PLD1: variants seen among roughly 807,000 people sequenced by gnomAD.
The protein encoded by PLD1 is choline phosphatase 1.
PLD1 carries 112 observed loss-of-function variants against 137.1 expected under a neutral mutation model. That is an observed-to-expected ratio of 0.82 (90% confidence interval 0.70 to 0.96). The LOEUF (loss-of-function observed/expected upper bound fraction) is 0.96, where lower values mean the gene tolerates loss of function less well. PLD1 is among the 40% of genes least tolerant of loss of function. The probability of loss-of-function intolerance (pLI) is 0.00; values close to 1 mark genes in which losing one functional copy is unlikely to be tolerated. For missense variants in PLD1, 1,321 were observed against 1,342.0 expected (o/e 0.98, Z 0.24); for synonymous variants, 431 against 454.7 (o/e 0.95, Z 0.66).
chr3:171,614,830 C>A (rs1189464210), intron 24 of PLD1, among the ~76,000 whole-genome samples: 1 of 152,226 alleles, frequency 6.6e-6, no homozygotes, highest in East Asian at 1.9e-4. Context: ...CCCCTCCGCA[C>A]ACACATTCTC....
At chr3:171,722,641 T>C (rs182162557) in intron 8 of PLD1, among the ~76,000 whole-genome samples, 21 of 152,332 alleles carry the variant, frequency 1.4e-4, no homozygotes, top group South Asian at 1.2e-3. Flanking sequence ...TTGTAGCATG[T>C]ATCAGAACTT....
chr3:171,747,405 G>A (rs570731425), intron 1 of PLD1, among the ~76,000 whole-genome samples: 152 of 152,098 alleles, frequency 1.0e-3, no homozygotes, highest in African/African-American at 3.6e-3. Flanking sequence ...TGCTTTTTGT[G>A]GGAAGCTATG....
intron 8 of PLD1, among the ~76,000 whole-genome samples, chr3:171,720,722 C>T (rs1273904697): frequency 6.6e-6 from 1 of 152,178 alleles, no homozygotes; most frequent in Non-Finnish European, 1.5e-5. Flanking sequence ...TTAATCTTCA[C>T]AGAATGATTT....
chr3:171,770,278 T>C (rs1029455983), intron 1 of PLD1, among the ~76,000 whole-genome samples: 6 of 152,236 alleles, frequency 3.9e-5, no homozygotes, highest in African/African-American at 1.2e-4. Flanking sequence ...CAAAATTCAA[T>C]TGGGCTTAAT....
At chr3:171,770,075 T>C (rs2108328496) in intron 1 of PLD1, among the ~76,000 whole-genome samples, 1 of 152,338 alleles carries the variant, frequency 6.6e-6, no homozygotes, top group South Asian at 2.1e-4. Context: ...GCTCTTTAGA[T>C]CTTTAAATTA....
At chr3:171,746,259 G>T (rs1335243212) in intron 1 of PLD1, among the ~76,000 whole-genome samples, 1 of 152,228 alleles carries the variant, frequency 6.6e-6, no homozygotes, top group Non-Finnish European at 1.5e-5. Flanking sequence ...GCTGAGGAGT[G>T]CAGGCTCGCA....
At chr3:171,705,202 A>G (rs898672732) in intron 11 of PLD1, among the ~76,000 whole-genome samples, 9 of 152,204 alleles carry the variant, frequency 5.9e-5, no homozygotes, top group Non-Finnish European at 1.3e-4. Context: ...GAAGACTCAG[A>G]AGGAGGAGAG....
chr3:171,797,778 T>C (rs545908371), intron 1 of PLD1, among the ~76,000 whole-genome samples: 2 of 152,366 alleles, frequency 1.3e-5, no homozygotes, highest in Non-Finnish European at 2.9e-5. Flanking sequence ...TTCAAATTTC[T>C]CACTTGTTTA....
At chr3:171,746,645 C>T (rs1560273176) in intron 1 of PLD1, among the ~76,000 whole-genome samples, 1 of 151,458 alleles carries the variant, frequency 6.6e-6, no homozygotes, top group Non-Finnish European at 1.5e-5. Flanking sequence ...CTTGGAGAAC[C>T]TTTATGTCTA....
chr3:171,677,633 G>A lies in PLD1; in HGVS notation c.1929C>T (p.Phe643=). The change falls in exon 17 of 27, where the codon TTC becomes TTT. Residue 643 remains phenylalanine (F), a synonymous_variant. Coordinates refer to ENST00000351298, the MANE Select transcript of PLD1 (RefSeq NM_002662.5). ...AATTGCAGTAGTCCTTTCCATGCCA[G>A]AATCTGGTTTCCCCATGCAGCTCTC... The part of the protein sequence containing the change: ...GVGELHGETR[F]WHGKDYCNFV... 1 of 1,613,856 alleles carries A rather than the reference G, an allele frequency of 6.2e-7. No homozygotes were observed. Among genetic ancestry groups the A allele is most frequent in the Non-Finnish European group, 8.5e-7 (1 of 1,179,742 alleles).
At chr3:171,729,178 TG>T (rs1181389976) in intron 6 of PLD1, among the ~76,000 whole-genome samples, 6 of 152,246 alleles carry the variant, frequency 3.9e-5, no homozygotes, top group Admixed American at 6.5e-5. Context: ...CTTATTCCAT[TG>T]ATCTTTTGAG....
intron 21 of PLD1, among the ~76,000 whole-genome samples, chr3:171,652,029 T>G (rs1736811220): frequency 6.6e-6 from 1 of 152,182 alleles, no homozygotes; most frequent in Non-Finnish European, 1.5e-5. Flanking sequence ...GTCATCTGTG[T>G]CCCAAGGTAA....
chr3:171,701,129 G>T (rs1488707525), intron 11 of PLD1, among the ~76,000 whole-genome samples: 3 of 152,070 alleles, frequency 2.0e-5, no homozygotes, highest in Non-Finnish European at 4.4e-5. Flanking sequence ...TTCAGTTAAA[G>T]AAAATAAAAA....
chr3:171,675,578 A>G (rs1192743611), intron 18 of PLD1, among the ~76,000 whole-genome samples: 1 of 152,206 alleles, frequency 6.6e-6, no homozygotes. Context: ...AACTACAGGT[A>G]TCAGCAGAGA....
At chr3:171,652,581 TA>T (rs1283613609) in intron 21 of PLD1, among the ~76,000 whole-genome samples, 1 of 151,950 alleles carries the variant, frequency 6.6e-6, no homozygotes, top group Non-Finnish European at 1.5e-5. Flanking sequence ...ACATTGCTTT[TA>T]AAAAATAAAA....
intron 11 of PLD1, 131 bp downstream of exon 11, chr3:171,708,624 T>G: frequency 7.1e-6 from 4 of 567,186 alleles, no homozygotes; most frequent in Non-Finnish European, 9.5e-6. Context: ...GTCAACTGGT[T>G]GAGACCCTGG....
intron 12 of PLD1, among the ~76,000 whole-genome samples, chr3:171,694,256 T>C (rs1213804670): frequency 2.0e-5 from 3 of 152,104 alleles, no homozygotes; most frequent in Non-Finnish European, 2.9e-5. Flanking sequence ...TCAAGAAGAA[T>C]ATATATGTCA....
intron 1 of PLD1, chr3:171,788,949 T>C (rs999378760): frequency 6.6e-6 from 1 of 152,242 alleles, no homozygotes; most frequent in Non-Finnish European, 1.5e-5. Context: ...AACTACCCTG[T>C]GCTATGCACT....
intron 24 of PLD1, among the ~76,000 whole-genome samples, chr3:171,617,793 A>G (rs2108285889): frequency 6.6e-6 from 1 of 152,290 alleles, no homozygotes. Flanking sequence ...ATGAAGATAA[A>G]TGGTCATTTT....
Sources: allele counts gnomAD v4.1 joint callset (sites outside exome capture counted in the v4.1 genomes callset), GRCh38; gene constraint gnomAD v4.1.1; transcripts MANE v1.5; gene names NCBI Gene and HGNC (gene_info 2026-07-23, HGNC 2026-07-21).